The following SLC25A37 variants were observed in gnomAD, a reference collection of about 807,000 sequenced individuals.
The protein encoded by SLC25A37 is solute carrier family 25 member 37, also known as mitoferrin-1.
In SLC25A37, 17 loss-of-function variants were observed where a neutral mutation model predicts 31.0. The observed-to-expected ratio is 0.55, with a 90% CI of 0.38 to 0.82. The LOEUF (loss-of-function observed/expected upper bound fraction) is 0.82. SLC25A37 is among the 40% of genes least tolerant of loss of function. SLC25A37 has a pLI of 0.00. For synonymous variants in SLC25A37, 222 were observed against 193.0 expected (o/e 1.15, Z -1.24); for missense variants, 404 against 465.8 (o/e 0.87, Z 1.22).
At chr8:23,548,335 C>T (rs764437312) in intron 1 of SLC25A37, among the ~76,000 whole-genome samples, 8 of 152,084 alleles carry the variant, frequency 5.3e-5, no homozygotes, top group East Asian at 3.9e-4. Context: ...TGTGCCACCA[C>T]GCCCAGCTAA....
At chr8:23,536,307 G>A (rs907442399) in intron 1 of SLC25A37, among the ~76,000 whole-genome samples, 6 of 151,954 alleles carry the variant, frequency 3.9e-5, no homozygotes, top group African/African-American at 1.2e-4. Context: ...AACAACACAT[G>A]TTCTGAAAGA....
rs901269291 is a variant in SLC25A37, at chr8:23,529,433, C to G, written c.210+221C>G. 1.3e-5 allele frequency among the ~76,000 whole-genome samples: 2 copies of G among 151,738 alleles called. No homozygotes were observed. The highest frequency in any genetic ancestry group is 4.8e-5 in the African/African-American group (2 of 41,400). On this transcript the variant is annotated intron_variant, in intron 1 of 3. Coordinates refer to ENST00000519973, the MANE Select transcript of SLC25A37 (RefSeq NM_016612.4). This position sits in a 1 kb window ranked among gnomAD's most constrained non-coding sequence, Gnocchi z 4.1. ...CCCGGTCCTCGCCCCGCACCGCCCGCTGCTCCAGCCGCGTGCCCGGCCCCG... is the reference window on the plus strand; with the variant it reads ...CCCGGTCCTCGCCCCGCACCGCCCGGTGCTCCAGCCGCGTGCCCGGCCCCG...
chr8:23,569,891 C>G (rs1378138492), intron 3 of SLC25A37, among the ~76,000 whole-genome samples: 2 of 152,180 alleles, frequency 1.3e-5, no homozygotes, highest in Non-Finnish European at 2.9e-5. Flanking sequence ...CTTTTTGCCT[C>G]ATCTGAAAAT....
intron 1 of SLC25A37, among the ~76,000 whole-genome samples, chr8:23,564,815 C>CT (rs1201814075): frequency 6.6e-6 from 1 of 152,072 alleles, no homozygotes; most frequent in Non-Finnish European, 1.5e-5. Flanking sequence ...TGCCTGTTCT[C>CT]TATCTATATC....
At chr8:23,566,454 A>G in intron 2 of SLC25A37, 118 bp downstream of exon 2, 1 of 1,487,826 alleles carries the variant, frequency 6.7e-7, no homozygotes, top group Non-Finnish European at 8.9e-7. Context: ...TCACGAATAA[A>G]GAACTCAGAG....
At position 23,571,797 on chromosome 8, in the gene SLC25A37, A is replaced by G. The variant is rs761676534; in HGVS notation, c.959A>G (p.Tyr320Cys). The change falls in exon 4 of 4, where the codon TAT becomes TGT. Residue 320 changes from tyrosine (Y) to cysteine (C), a missense_variant. This residue lies in a region of SLC25A37 where 243 missense variants were observed against 284.4 expected (regional missense o/e 0.85). Coordinates refer to ENST00000519973, the MANE Select transcript of SLC25A37 (RefSeq NM_016612.4). ...TCCACCGCCATTTCTTGGTCTGTCT[A>G]TGAGTTCTTCAAGTACTTTCTCACC... ...MPSTAISWSV[Y>C]EFFKYFLTKR... 4 of 1,613,916 alleles carry G rather than the reference A, an allele frequency of 2.5e-6. No homozygotes were observed. Among genetic ancestry groups the G allele is most frequent in the South Asian group, 1.1e-5 (1 of 91,084 alleles).
At chr8:23,569,436 C>T (rs1304873190) in intron 3 of SLC25A37, among the ~76,000 whole-genome samples, 1 of 152,144 alleles carries the variant, frequency 6.6e-6, no homozygotes, top group East Asian at 1.9e-4. Flanking sequence ...CACTCACTCT[C>T]TTAGCCCTTG....
In SLC25A37 at chr8:23,572,232, A is replaced by ATTATGT. The variant is rs1802877423; in HGVS notation, c.*377_*378insTTATGT. 1.1e-5 allele frequency: 1 copy of ATTATGT among 92,582 alleles called. No individual in the cohort carries two copies. The highest frequency in any genetic ancestry group is 2.6e-5 in the Non-Finnish European group (1 of 37,950). 5.7% of individuals were successfully genotyped at this position (92,582 alleles called of 1,614,324 possible). A position where few individuals can be genotyped will look rare whatever the true frequency, so the allele number is the denominator to read the frequency against. Reference sequence around the variant, plus strand: ...AAAAAAAAAAAAAAAAAAAAAAAAAAAAAAAAAAAAAAAAAATTTATGTAT... The same window carrying ATTATGT: ...AAAAAAAAAAAAAAAAAAAAAAAAAATTATGTAAAAAAAAAAAAAAAATTTATGTAT... On this transcript the variant is annotated 3_prime_UTR_variant, in exon 4 of 4. Coordinates refer to ENST00000519973, the MANE Select transcript of SLC25A37 (RefSeq NM_016612.4).
At chr8:23,556,014 T>G (rs1802354528) in intron 1 of SLC25A37, among the ~76,000 whole-genome samples, 2 of 152,202 alleles carry the variant, frequency 1.3e-5, no homozygotes, top group Non-Finnish European at 2.9e-5. Context: ...GGCTCTTTGC[T>G]TGTTCCAAAA....
chr8:23,538,337 C>T (rs1801813224), intron 1 of SLC25A37, among the ~76,000 whole-genome samples: 1 of 136,926 alleles, frequency 7.3e-6, no homozygotes, highest in Non-Finnish European at 1.5e-5. Flanking sequence ...GCCGAGATCG[C>T]GCCATTGCAC....
intron 1 of SLC25A37, among the ~76,000 whole-genome samples, chr8:23,555,603 C>A (rs1802343353): frequency 6.6e-6 from 1 of 152,186 alleles, no homozygotes; most frequent in African/African-American, 2.4e-5. Flanking sequence ...CCTGAAGCCC[C>A]AGTAGACCCT....
intron 3 of SLC25A37, among the ~76,000 whole-genome samples, chr8:23,570,748 C>T (rs1031922803): frequency 6.6e-6 from 1 of 152,070 alleles, no homozygotes; most frequent in African/African-American, 2.4e-5. Flanking sequence ...CCTAAGGTAC[C>T]ACAGTTAGTC....
intron 2 of SLC25A37, chr8:23,566,737 G>C: frequency 5.0e-6 from 5 of 997,522 alleles, no homozygotes; most frequent in Non-Finnish European, 6.0e-6. Flanking sequence ...AAAGTTATCT[G>C]GACAGCTTCT....
At chr8:23,556,224 G>A (rs935746520) in intron 1 of SLC25A37, among the ~76,000 whole-genome samples, 1 of 140,262 alleles carries the variant, frequency 7.1e-6, no homozygotes, top group Non-Finnish European at 1.5e-5. Context: ...AACATTAAGA[G>A]CACCAATTTT....
chr8:23,530,942 C>T (rs1307903080), intron 1 of SLC25A37, among the ~76,000 whole-genome samples: 1 of 152,168 alleles, frequency 6.6e-6, no homozygotes, highest in East Asian at 1.9e-4. Context: ...TCTCCCTGCC[C>T]CATACATGTT....
rs963853398 is a variant in SLC25A37, at chr8:23,575,160, A to G, written c.*3305A>G. 6.6e-6 allele frequency: 1 copy of G among 152,128 alleles called. No homozygotes were observed. The highest frequency in any genetic ancestry group is 1.5e-5 in the Non-Finnish European group (1 of 68,034). 9.4% of individuals were successfully genotyped at this position (152,128 alleles called of 1,614,324 possible). ...TCCTCCAAAGTCCCCATAAAGCTGCATCTCCAACACATTGTTATGCCAATA... is the reference window on the plus strand; with the variant it reads ...TCCTCCAAAGTCCCCATAAAGCTGCGTCTCCAACACATTGTTATGCCAATA... On this transcript the variant is annotated 3_prime_UTR_variant, in exon 4 of 4. Transcript: ENST00000519973.
At chr8:23,546,174 A>C (rs1167336933) in intron 1 of SLC25A37, among the ~76,000 whole-genome samples, 1 of 151,540 alleles carries the variant, frequency 6.6e-6, no homozygotes, top group Non-Finnish European at 1.5e-5. Context: ...GGTGGTGCAC[A>C]CCTGTAGTCC....
intron 3 of SLC25A37, among the ~76,000 whole-genome samples, chr8:23,570,970 T>G (rs1000683517): frequency 2.6e-5 from 4 of 151,916 alleles, no homozygotes; most frequent in African/African-American, 9.7e-5. Context: ...TTCAGCTTTG[T>G]GGTGGGTCCT....
chr8:23,537,428 A>G (rs1318931084), intron 1 of SLC25A37, among the ~76,000 whole-genome samples: 1 of 152,184 alleles, frequency 6.6e-6, no homozygotes, highest in African/African-American at 2.4e-5. Flanking sequence ...TCTTCTGTTC[A>G]CCACTGTATT....
Sources: gnomAD v4.1 joint callset for allele counts (sites outside exome capture counted in the v4.1 genomes callset) on GRCh38, gnomAD v4.1.1 for gene constraint, gnomAD v4.1.1 regional missense constraint, Gnocchi (gnomAD v3.1) non-coding constraint, MANE v1.5 for transcripts, NCBI Gene and HGNC (gene_info 2026-07-23, HGNC 2026-07-21) for gene names.